The following SPIDR variants were observed in gnomAD, a reference collection of about 807,000 sequenced individuals.
SPIDR encodes scaffold protein involved in DNA repair, also known as DNA repair-scaffolding protein.
In SPIDR, 93 loss-of-function variants were observed where a neutral mutation model predicts 104.6. The observed-to-expected ratio is 0.89, with a 90% CI of 0.75 to 1.06. The LOEUF (loss-of-function observed/expected upper bound fraction) is 1.06. SPIDR is among the 50% of genes least tolerant of loss of function. The pLI is 0.00. For synonymous variants in SPIDR, 431 were observed against 416.9 expected (o/e 1.03, Z -0.41); for missense variants, 1,154 against 1,111.2 (o/e 1.04, Z -0.55).
chr8:47,629,741 G>A (rs1331138460), intron 10 of SPIDR, among the ~76,000 whole-genome samples: 4 of 152,210 alleles, frequency 2.6e-5, no homozygotes, highest in Non-Finnish European at 4.4e-5. Context: ...GTGACAGAAC[G>A]ATACTCTGTC....
intron 1 of SPIDR, 69 bp from the exon 2 acceptor site, chr8:47,279,793 G>C (rs1254773044): frequency 1.3e-5 from 19 of 1,453,130 alleles, no homozygotes; most frequent in Non-Finnish European, 1.4e-5. Context: ...ATTGTGAACT[G>C]AATGTCTATT....
chr8:47,387,057 G>C (rs1272352557), intron 5 of SPIDR, among the ~76,000 whole-genome samples: 4 of 152,108 alleles, frequency 2.6e-5, no homozygotes, highest in African/African-American at 9.7e-5. Context: ...TGTGATGAGG[G>C]GATATTTAAG....
chr8:47,275,116 G>A (rs998234264), intron 1 of SPIDR, among the ~76,000 whole-genome samples: 29 of 151,392 alleles, frequency 1.9e-4, no homozygotes, highest in Admixed American at 6.6e-4. Flanking sequence ...AAAATTAGCC[G>A]CGCGTGGTGG....
chr8:47,468,690 TAACTC>T (rs1321329090), intron 8 of SPIDR, among the ~76,000 whole-genome samples: 1 of 151,974 alleles, frequency 6.6e-6, no homozygotes, highest in Non-Finnish European at 1.5e-5. Flanking sequence ...TATATAAAAA[TAACTC>T]AAGATGGATC....
chr8:47,264,641 T>G (rs2033474771), intron 1 of SPIDR, among the ~76,000 whole-genome samples: 1 of 151,264 alleles, frequency 6.6e-6, no homozygotes, highest in Non-Finnish European at 1.5e-5. Context: ...TTTCTTTTTT[T>G]TTTTTTGAGA....
At chr8:47,698,154 T>G (rs2154481537) in intron 11 of SPIDR, among the ~76,000 whole-genome samples, 1 of 152,354 alleles carries the variant, frequency 6.6e-6, no homozygotes, top group Admixed American at 6.5e-5. Flanking sequence ...TATTTTAAAC[T>G]TTTTAAATAA....
intron 8 of SPIDR, among the ~76,000 whole-genome samples, chr8:47,497,859 G>A (rs2079691329): frequency 6.6e-6 from 1 of 152,168 alleles, no homozygotes; most frequent in Non-Finnish European, 1.5e-5. Flanking sequence ...TCACTCTAAA[G>A]ACAGGCTAGC....
chr8:47,612,328 A>G (rs143549056), intron 10 of SPIDR, among the ~76,000 whole-genome samples: 16 of 152,184 alleles, frequency 1.1e-4, no homozygotes, highest in Admixed American at 5.9e-4. Flanking sequence ...CTGAGGACCT[A>G]TCTCCTCAAG....
chr8:47,690,146 G>A (rs1202479205), intron 11 of SPIDR, among the ~76,000 whole-genome samples: 3 of 152,108 alleles, frequency 2.0e-5, no homozygotes, highest in East Asian at 3.9e-4. Flanking sequence ...GCTGGTGAGC[G>A]AGTGGATCAT....
At chr8:47,327,456 A>G (rs1401450365) in intron 5 of SPIDR, among the ~76,000 whole-genome samples, 2 of 151,452 alleles carry the variant, frequency 1.3e-5, no homozygotes, top group Admixed American at 6.6e-5. Flanking sequence ...CACTGGCACA[A>G]TCATGGCTCA....
At chr8:47,616,432 A>T (rs2064324016) in intron 10 of SPIDR, among the ~76,000 whole-genome samples, 1 of 152,122 alleles carries the variant, frequency 6.6e-6, no homozygotes. Flanking sequence ...TTTAAATTTT[A>T]TATACTATAT....
intron 7 of SPIDR, among the ~76,000 whole-genome samples, chr8:47,437,542 C>T (rs544057323): frequency 9.2e-5 from 14 of 151,858 alleles, no homozygotes; most frequent in Admixed American, 7.2e-4. Context: ...TGAATAATGC[C>T]GCAATAAAAA....
chr8:47,377,143 A>G (rs1158976848), intron 5 of SPIDR, among the ~76,000 whole-genome samples: 1 of 152,168 alleles, frequency 6.6e-6, no homozygotes, highest in Admixed American at 6.5e-5. Context: ...AATGGCTTCC[A>G]TCTCTGGGGA....
intron 10 of SPIDR, among the ~76,000 whole-genome samples, chr8:47,609,239 T>C (rs1023040285): frequency 1.3e-5 from 2 of 152,232 alleles, no homozygotes; most frequent in African/African-American, 4.8e-5. Flanking sequence ...AGATTTATCA[T>C]TTTAATGAGG....
chr8:47,304,568 T>A (rs1190690363), intron 5 of SPIDR, among the ~76,000 whole-genome samples: 1 of 152,152 alleles, frequency 6.6e-6, no homozygotes, highest in Non-Finnish European at 1.5e-5. Flanking sequence ...CTCTCTTGCT[T>A]TCACCATGTG....
At chr8:47,449,138 A>G (rs2071232991) in intron 8 of SPIDR, among the ~76,000 whole-genome samples, 1 of 152,142 alleles carries the variant, frequency 6.6e-6, no homozygotes, top group South Asian at 2.1e-4. Context: ...TGGATTTGGA[A>G]TATATTTTGG....
At chr8:47,597,136 C>T (rs987503421) in intron 9 of SPIDR, among the ~76,000 whole-genome samples, 2 of 152,216 alleles carry the variant, frequency 1.3e-5, no homozygotes, top group East Asian at 3.9e-4. Flanking sequence ...AATACATAAG[C>T]CAGTAACATT....
chr8:47,584,676 CCTT>C (rs1184938371), intron 8 of SPIDR, among the ~76,000 whole-genome samples: 7 of 152,178 alleles, frequency 4.6e-5, no homozygotes, highest in Admixed American at 2.6e-4. Context: ...CCTACTGCTT[CCTT>C]CTTCTTAGCT....
At chr8:47,535,458 G>A (rs747303291) in intron 8 of SPIDR, among the ~76,000 whole-genome samples, 10 of 151,964 alleles carry the variant, frequency 6.6e-5, no homozygotes, top group Middle Eastern at 6.8e-3. Flanking sequence ...TATAAGAAAG[G>A]GAAACTTAAG....
Sources: gnomAD v4.1 joint callset for allele counts (sites outside exome capture counted in the v4.1 genomes callset) on GRCh38, gnomAD v4.1.1 for gene constraint, MANE v1.5 for transcripts, NCBI Gene and HGNC (gene_info 2026-07-23, HGNC 2026-07-21) for gene names.